Variants in ANKRD54 observed in about 807,000 individuals in gnomAD.
ANKRD54 encodes the protein ankyrin repeat domain 54, also known as ankyrin repeat domain-containing protein 54.
A neutral mutation model predicts 36.2 loss-of-function variants in ANKRD54; 26 were observed. The observed-to-expected ratio is 0.72, with a 90% CI of 0.53 to 1.00. The LOEUF (loss-of-function observed/expected upper bound fraction) is 1.00, where lower values mean the gene tolerates loss of function less well. Among genes scored for constraint, ANKRD54 ranks in the 50% least tolerant of loss-of-function variants. ANKRD54 has a pLI of 0.00. For synonymous variants in ANKRD54, 209 were observed against 188.4 expected (o/e 1.11, Z -0.89); for missense variants, 384 against 424.3 (o/e 0.91, Z 0.83).
chr22:37,836,046 G>C (rs966365789), intron 3 of ANKRD54, among the ~76,000 whole-genome samples: 2 of 151,882 alleles, frequency 1.3e-5, no homozygotes, highest in South Asian at 4.1e-4. Context: ...GTGTTAGCCA[G>C]GATGGTCTCG....
intron 1 of ANKRD54, 74 bp from the exon 2 acceptor site, chr22:37,840,308 C>T (rs866360410): frequency 6.4e-7 from 1 of 1,554,548 alleles, no homozygotes; most frequent in Non-Finnish European, 8.8e-7. Context: ...CCTATAATCC[C>T]AGCACTCTGG....
rs377071473 is a variant in ANKRD54 at position 37,844,330 on chromosome 22, G to C, written c.-92C>G. 19 of 1,414,108 alleles carry C rather than the reference G, an allele frequency of 1.3e-5. No individual in the cohort carries two copies. Among genetic ancestry groups the C allele is most frequent in the Non-Finnish European group, 1.2e-5 (13 of 1,066,004 alleles). The allele number at this position is 1,414,108 out of a possible 1,614,324, so 87.6% of individuals were successfully genotyped here. A position where few individuals can be genotyped will look rare whatever the true frequency, so the allele number is the denominator to read the frequency against. ...CTCCGCCCTGAGTCGTGCTGTCAGC[G>C]AGCTGGCGGGCGGGCAGGGCCCGCA... On this transcript the variant is annotated 5_prime_UTR_variant, in exon 1 of 8. Transcript: ENST00000215941.
In ANKRD54 at chr22:37,836,733, T is replaced by TA. The variant is rs1224758012; in HGVS notation, c.475+1766dup. 3.6e-3 allele frequency among the ~76,000 whole-genome samples: 519 copies of TA among 144,180 alleles called. 11 individuals are homozygous for TA. The highest frequency in any genetic ancestry group is 0.032 in the Admixed American group (459 of 14,490). The allele number at this position is 144,180 out of a possible 152,430, so 94.6% of individuals were successfully genotyped here. A position where few individuals can be genotyped will look rare whatever the true frequency, so the allele number is the denominator to read the frequency against. On this transcript the variant is annotated intron_variant, in intron 3 of 7. Transcript: ENST00000215941. ...CACATGCATCCCAGAACTTAAAGTT[T>TA]AAAAAAAAAAATGGCCCGGGCATGG...
At position 37,831,593 on chromosome 22, in the gene ANKRD54, A is replaced by C; in HGVS notation, c.*350T>G. ...CCATGGCCAGGACGGAACACAGAGA[A>C]GGGTCTGAGGCCTGGAGCGCGCCAT... On this transcript the variant is annotated 3_prime_UTR_variant, in exon 8 of 8. Transcript: ENST00000215941. The C allele has an allele frequency of 7.8e-6, 2 of 255,546 alleles. No individual in the cohort carries two copies. The highest frequency in any genetic ancestry group is 8.1e-5 in the East Asian group (1 of 12,286). 15.8% of individuals were successfully genotyped at this position (255,546 alleles called of 1,614,324 possible). A position where few individuals can be genotyped will look rare whatever the true frequency, so the allele number is the denominator to read the frequency against.
upstream of ANKRD54, among the ~76,000 whole-genome samples, chr22:37,847,154 A>G (rs1271243142): frequency 7.2e-6 from 1 of 138,542 alleles, no homozygotes; most frequent in African/African-American, 2.7e-5. Flanking sequence ...CGCCCGGCCA[A>G]TTTCTTTTCT....
At chr22:37,833,598 A>G in intron 4 of ANKRD54, 86 bp downstream of exon 4, 1 of 1,426,422 alleles carries the variant, frequency 7.0e-7, no homozygotes, top group Non-Finnish European at 9.8e-7. Context: ...AGTTTCTGCC[A>G]GGAGCATGCC....
At position 37,833,687 on chromosome 22, in the gene ANKRD54, G is replaced by C; in HGVS notation, c.544C>G (p.Leu182Val). ...RDGLGNTPLH[L>V]AACTNHVPVI... ...TAGTGACTTCTGACATGCTTACCCA[G>C]GTGCAGTGGCGTGTTCCCCAGCCCA... The change falls in exon 4 of 8, where the codon CTG (leucine) becomes GTG (valine). Residue 182 changes from leucine to valine, a missense_variant. Transcript: ENST00000215941. The C allele has an allele frequency of 1.2e-6, 2 of 1,614,078 alleles. No homozygotes were observed. Among genetic ancestry groups the C allele is most frequent in the Non-Finnish European group, 1.7e-6 (2 of 1,179,960 alleles).
rs1176423404 is a variant in ANKRD54, at chr22:37,833,075, A to C, written c.603T>G (p.Arg201=). The part of the protein sequence containing the change: ...VITTLLRGGA[R]VDALDRAGRT... Reference sequence around the variant, plus strand: ...GACCAGCTCGGTCCAGGGCATCTACACGGGCCCCTGCAGGTACCAGCTGAG... The same window carrying C: ...GACCAGCTCGGTCCAGGGCATCTACCCGGGCCCCTGCAGGTACCAGCTGAG... The change falls in exon 6 of 8, where the codon CGT becomes CGG. Residue 201 remains arginine (R), a synonymous_variant. Transcript: ENST00000215941. The C allele has an allele frequency of 6.2e-7, 1 of 1,613,894 alleles. No individual in the cohort carries two copies. The highest frequency in any genetic ancestry group is 8.5e-7 in the Non-Finnish European group (1 of 1,180,006).
chr22:37,836,646 T>G (rs1270759666), intron 3 of ANKRD54, among the ~76,000 whole-genome samples: 1 of 151,384 alleles, frequency 6.6e-6, no homozygotes, highest in Non-Finnish European at 1.5e-5. Context: ...AGATGACGGG[T>G]TGATGGGTAC....
Position 37,844,255 on chromosome 22 carries a change from G to T in ANKRD54, c.-17C>A, listed in dbSNP as rs749078989. On this transcript the variant is annotated 5_prime_UTR_variant, in exon 1 of 8. Coordinates refer to ENST00000215941, the MANE Select transcript of ANKRD54 (RefSeq NM_138797.4). ...GGCTGCCATGGCAACGGCTCCGCGC[G>T]GGCCTGGCCGCCTGAGCCTCGTTCC... The T allele has an allele frequency of 1.3e-6, 2 of 1,544,250 alleles. No individual in the cohort carries two copies.
At chr22:37,847,632 G>A, upstream of ANKRD54, 1 of 478,838 alleles carries the variant, frequency 2.1e-6, no homozygotes, top group South Asian at 1.7e-5. Flanking sequence ...TTGCAAAGGT[G>A]GTTTCAGCAA....
At chr22:37,840,117 G>T in intron 2 of ANKRD54, 70 bp downstream of exon 2, 3 of 1,576,930 alleles carry the variant, frequency 1.9e-6, no homozygotes, top group South Asian at 2.2e-5. Context: ...CCCACATATT[G>T]ATTACCTGGC....
upstream of ANKRD54, among the ~76,000 whole-genome samples, chr22:37,846,130 G>A (rs555643399): frequency 9.6e-4 from 146 of 152,056 alleles, no homozygotes; most frequent in South Asian, 3.5e-3. Flanking sequence ...AGCCGAGATC[G>A]CACCACTGCA....
chr22:37,840,878 C>T (rs892497571), intron 1 of ANKRD54, among the ~76,000 whole-genome samples: 3 of 151,820 alleles, frequency 2.0e-5, no homozygotes, highest in Admixed American at 1.3e-4. Flanking sequence ...CAGAGTGAGA[C>T]GCTGTCTCAG....
chr22:37,849,109 C>T (rs939075955), upstream of ANKRD54: 4 of 439,146 alleles, frequency 9.1e-6, no homozygotes, highest in African/African-American at 8.2e-5. Flanking sequence ...GCCTCAGCCT[C>T]CCGAGTAGCT....
Position 37,831,587 on chromosome 22 carries a change from CAG to C in ANKRD54, c.*354_*355del. ...ACAAGCCCATGGCCAGGACGGAACA[CAG>C]AGAAGGGTCTGAGGCCTGGAGCGCG... On this transcript the variant is annotated 3_prime_UTR_variant, in exon 8 of 8. Transcript: ENST00000215941. The C allele has an allele frequency of 4.0e-6, 1 of 253,102 alleles. No homozygotes were observed. Among genetic ancestry groups the C allele is most frequent in the Admixed American group, 4.8e-5 (1 of 20,856 alleles). 15.7% of individuals were successfully genotyped at this position (253,102 alleles called of 1,614,324 possible). A position where few individuals can be genotyped will look rare whatever the true frequency, so the allele number is the denominator to read the frequency against.
chr22:37,832,582 A>G, intron 7 of ANKRD54, 55 bp downstream of exon 7: 1 of 1,531,378 alleles, frequency 6.5e-7, no homozygotes, highest in East Asian at 2.3e-5. Flanking sequence ...AGCAGGGTGG[A>G]CTGGCCCTGA....
upstream of ANKRD54, among the ~76,000 whole-genome samples, chr22:37,847,515 C>T (rs753209527): frequency 6.6e-6 from 1 of 151,946 alleles, no homozygotes; most frequent in Non-Finnish European, 1.5e-5. Flanking sequence ...AAAGTTAGCT[C>T]GGTTCGAGCC....
chr22:37,833,270 T>A, intron 4 of ANKRD54, 64 bp from the exon 5 acceptor site: 1 of 1,590,014 alleles, frequency 6.3e-7, no homozygotes, highest in Non-Finnish European at 8.6e-7. Context: ...GCGTGGCCAC[T>A]GGAGGGAGCA....
Sources: gnomAD v4.1 joint callset for allele counts (sites outside exome capture counted in the v4.1 genomes callset) on GRCh38, gnomAD v4.1.1 for gene constraint, MANE v1.5 for transcripts, NCBI Gene and HGNC (gene_info 2026-07-23, HGNC 2026-07-21) for gene names.